Variants in CAMK2D observed in about 807,000 individuals in gnomAD.
The protein encoded by CAMK2D is calcium/calmodulin-dependent protein kinase type II subunit delta.
In CAMK2D, 37 loss-of-function variants were observed where a neutral mutation model predicts 84.0. That is an observed-to-expected ratio of 0.44 (90% CI 0.34 to 0.58). CAMK2D has a LOEUF of 0.58. CAMK2D is among the 20% of genes least tolerant of loss of function. The probability of loss-of-function intolerance (pLI) is 0.02; values close to 1 mark genes in which losing one functional copy is unlikely to be tolerated. For synonymous variants in CAMK2D, 202 were observed against 212.5 expected (o/e 0.95, Z 0.43); for missense variants, 448 against 652.5 (o/e 0.69, Z 3.41).
chr4:113,475,985 A>G (rs897877477), intron 16 of CAMK2D, among the ~76,000 whole-genome samples: 8 of 152,208 alleles, frequency 5.3e-5, no homozygotes, highest in African/African-American at 2.4e-5. Context: ...TAAAACTACT[A>G]AAGCATCTGT....
At chr4:113,583,359 C>T (rs565619930) in intron 4 of CAMK2D, among the ~76,000 whole-genome samples, 1 of 152,328 alleles carries the variant, frequency 6.6e-6, no homozygotes, top group East Asian at 1.9e-4. Context: ...TGATACCGCT[C>T]TCTGCAATAA....
intron 3 of CAMK2D, among the ~76,000 whole-genome samples, chr4:113,620,591 T>A (rs1366003036): frequency 6.6e-6 from 1 of 150,772 alleles, no homozygotes; most frequent in East Asian, 2.0e-4. Flanking sequence ...CACTGCAACC[T>A]CCGCCTCCCA....
chr4:113,707,623 C>T (rs1289266265), intron 2 of CAMK2D, among the ~76,000 whole-genome samples: 1 of 152,180 alleles, frequency 6.6e-6, no homozygotes, highest in East Asian at 1.9e-4. Flanking sequence ...TCCTTTTTAA[C>T]TCCAATTTCT....
intron 3 of CAMK2D, among the ~76,000 whole-genome samples, chr4:113,618,762 G>T (rs1264816845): frequency 1.3e-5 from 2 of 152,040 alleles, no homozygotes; most frequent in African/African-American, 4.8e-5. Flanking sequence ...CTCACAATCT[G>T]GGAAAAACAT....
chr4:113,485,692 T>A lies in CAMK2D; in HGVS notation c.1135+14771A>T, dbSNP rs142395694. On this transcript the variant is annotated intron_variant, in intron 16 of 20. Coordinates refer to ENST00000511664, the MANE Select transcript of CAMK2D (RefSeq NM_001321571.2). ...GATATTCCTCAGGTGCTTGGTACAT[T>A]ATCTTGCAGAATCATCCTTGTCTAT... Among the ~76,000 whole-genome samples, 726 of 152,290 alleles carry A rather than the reference T, an allele frequency of 4.8e-3. 7 individuals are homozygous for A. The highest frequency in any genetic ancestry group is 0.017 in the African/African-American group (696 of 41,558).
At chr4:113,724,761 C>A (rs1297370850) in intron 2 of CAMK2D, among the ~76,000 whole-genome samples, 1 of 151,854 alleles carries the variant, frequency 6.6e-6, no homozygotes, top group Non-Finnish European at 1.5e-5. Flanking sequence ...TATCATACAG[C>A]CTTAAGGTAA....
chr4:113,751,653 C>G (rs1295689151), intron 2 of CAMK2D, among the ~76,000 whole-genome samples: 4 of 152,014 alleles, frequency 2.6e-5, no homozygotes, highest in African/African-American at 9.7e-5. Context: ...ACCTGTAATC[C>G]CAGCTACTCA....
chr4:113,546,277 G>A (rs1036892864), intron 6 of CAMK2D, among the ~76,000 whole-genome samples: 1 of 152,170 alleles, frequency 6.6e-6, no homozygotes. Flanking sequence ...TCTGTAAATG[G>A]CCAGTAAAGA....
Position 113,572,456 on chromosome 4 carries a change from A to G in CAMK2D, c.276-20360T>C, listed in dbSNP as rs141624015. 1.8e-3 allele frequency among the ~76,000 whole-genome samples: 273 copies of G among 152,190 alleles called. 1 individual carries two copies. The highest frequency in any genetic ancestry group is 6.2e-3 in the African/African-American group (259 of 41,566). On this transcript the variant is annotated intron_variant, in intron 4 of 20. Coordinates refer to ENST00000511664, the MANE Select transcript of CAMK2D (RefSeq NM_001321571.2). ...GGAATGAAATTTTTATTTAAAAAAAAAAACCAAACACAAAGGACATGAACA... is the reference window on the plus strand; with the variant it reads ...GGAATGAAATTTTTATTTAAAAAAAGAAACCAAACACAAAGGACATGAACA...
chr4:113,559,370 T>C (rs962623116), intron 4 of CAMK2D, among the ~76,000 whole-genome samples: 2 of 152,250 alleles, frequency 1.3e-5, no homozygotes, highest in East Asian at 1.9e-4. Flanking sequence ...TTTATCTATA[T>C]GTTAAAATCA....
At chr4:113,469,130 T>C (rs544004417) in intron 16 of CAMK2D, among the ~76,000 whole-genome samples, 1 of 152,286 alleles carries the variant, frequency 6.6e-6, no homozygotes, top group East Asian at 1.9e-4. Flanking sequence ...AAGAGTAAGA[T>C]AAGGGTGTGA....
chr4:113,642,016 A>T lies in CAMK2D; in HGVS notation c.220+19697T>A, dbSNP rs533465888. On this transcript the variant is annotated intron_variant, in intron 3 of 20. Coordinates refer to ENST00000511664, the MANE Select transcript of CAMK2D (RefSeq NM_001321571.2). ...CAAGAGCGAAACTCAGTCTAAAAAA[A>T]TTTAAAAATAATAAAAAATAATAAA... is the stretch of plus-strand genomic sequence containing the variant. Among the ~76,000 whole-genome samples the T allele has an allele frequency of 1.5e-4, 23 of 152,256 alleles. No individual in the cohort carries two copies. The East Asian group carries it at 3.7e-3, about 24-fold the overall frequency.
At chr4:113,673,983 T>G (rs995779480) in intron 2 of CAMK2D, among the ~76,000 whole-genome samples, 2 of 99,746 alleles carry the variant, frequency 2.0e-5, no homozygotes, top group African/African-American at 9.6e-5. Context: ...ATGGTTAGAA[T>G]TCTGATTACA....
chr4:113,660,031 C>T (rs932939698), intron 3 of CAMK2D, among the ~76,000 whole-genome samples: 2 of 152,108 alleles, frequency 1.3e-5, no homozygotes, highest in Non-Finnish European at 2.9e-5. Flanking sequence ...AACATCAAAG[C>T]AGGAATAGAA....
chr4:113,454,378 C>A lies in CAMK2D; in HGVS notation c.*167G>T. On this transcript the variant is annotated 3_prime_UTR_variant, in exon 21 of 21. Transcript: ENST00000511664. The stretch of plus-strand genomic sequence containing the variant: ...AGGAATATATGATAAGATGATGCAT[C>A]ACATATGCATTACATGTAGGACCTT... 1.6e-6 allele frequency: 1 copy of A among 636,240 alleles called. No homozygotes were observed. Among genetic ancestry groups the A allele is most frequent in the South Asian group, 2.0e-5 (1 of 50,482 alleles). 39.4% of individuals were successfully genotyped at this position (636,240 alleles called of 1,614,324 possible).
intron 4 of CAMK2D, among the ~76,000 whole-genome samples, chr4:113,555,890 G>C (rs142239498): frequency 6.6e-6 from 1 of 152,038 alleles, no homozygotes; most frequent in East Asian, 1.9e-4. Flanking sequence ...ATTTGGGGTC[G>C]TTACCAAAGG....
At chr4:113,515,566 A>ACT in intron 9 of CAMK2D, among the ~76,000 whole-genome samples, 1 of 152,086 alleles carries the variant, frequency 6.6e-6, no homozygotes, top group Non-Finnish European at 1.5e-5. Flanking sequence ...GCAAAACTTA[A>ACT]TAAAAGCAAA....
intron 2 of CAMK2D, among the ~76,000 whole-genome samples, chr4:113,730,164 T>C (rs2099561026): frequency 6.6e-6 from 1 of 152,244 alleles, no homozygotes; most frequent in Admixed American, 6.5e-5. Flanking sequence ...AGTTGTTATA[T>C]TAATTAATGA....
At chr4:113,488,750 G>C (rs2097790515) in intron 16 of CAMK2D, among the ~76,000 whole-genome samples, 1 of 152,114 alleles carries the variant, frequency 6.6e-6, no homozygotes, top group Admixed American at 6.6e-5. Flanking sequence ...TAGAAATTTT[G>C]AGCAGAAAAA....
Sources: gnomAD v4.1 joint callset for allele counts (sites outside exome capture counted in the v4.1 genomes callset) on GRCh38, gnomAD v4.1.1 for gene constraint, MANE v1.5 for transcripts, NCBI Gene and HGNC (gene_info 2026-07-23, HGNC 2026-07-21) for gene names.